Variants in TMF1 observed in about 807,000 individuals in gnomAD.
TMF1 encodes TATA element modulatory factor 1.
TMF1 carries 71 observed loss-of-function variants against 126.5 expected under a neutral mutation model. The ratio of observed to expected loss-of-function variants is 0.56; its 90% CI spans 0.46 to 0.68. The LOEUF (loss-of-function observed/expected upper bound fraction) is 0.68. Ranked by LOEUF, TMF1 falls within the 30% of genes least tolerant of loss-of-function variation. TMF1 has a pLI of 0.00. For synonymous variants in TMF1, 461 were observed against 430.5 expected, an observed-to-expected ratio of 1.07 and a Z score of -0.88; for missense variants, 1,259 against 1,253.2, an observed-to-expected ratio of 1.00 and a Z score of -0.07.
intron 5 of TMF1, 54 bp downstream of exon 5, chr3:69,042,753 G>A (rs1284361484): frequency 2.1e-6 from 3 of 1,420,444 alleles, no homozygotes; most frequent in Middle Eastern, 3.5e-4. Flanking sequence ...TATGTGGCAA[G>A]TACTTTTCCT....
At position 69,033,518 on chromosome 3, in the gene TMF1, T is replaced by G. The variant is rs112349668; in HGVS notation, c.2401+30A>C. On this transcript the variant is annotated intron_variant, in intron 10 of 16. Coordinates refer to ENST00000398559, the MANE Select transcript of TMF1 (RefSeq NM_007114.3). Reference sequence around the variant, plus strand: ...TCTATAAACAAGATGGAAGAGCTTCTGCATCGAGCATAAAAACTAAAGCAG... The same window carrying G: ...TCTATAAACAAGATGGAAGAGCTTCGGCATCGAGCATAAAAACTAAAGCAG... The G allele has an allele frequency of 1.1e-3, 1,708 of 1,594,958 alleles. 9 individuals carry two copies. Among genetic ancestry groups the G allele is most frequent in the South Asian group, 5.3e-3 (465 of 87,610 alleles).
chr3:69,023,195 TAA>T lies in TMF1; in HGVS notation c.3262_3263del (p.Leu1088LysfsTer11). On this transcript the variant is annotated frameshift_variant, in exon 17 of 17. Coordinates refer to ENST00000398559, the MANE Select transcript of TMF1 (RefSeq NM_007114.3). LOFTEE classifies it high-confidence loss of function. ...TCACAAGTTAACTGAGACTTTGTCT[TAA>T]AAGTTCATCTATTTGAGTTTTGTAC... Reference protein sequence around the residue: ...NMYKTQIDELLRQSLS With the variant: ...NMYKTQIDELXRQSLS 6.2e-7 allele frequency: 1 copy of T among 1,610,884 alleles called. No homozygotes were observed. Among genetic ancestry groups the T allele is most frequent in the Non-Finnish European group, 8.5e-7 (1 of 1,178,102 alleles).
rs1338195287 is a variant in TMF1 at position 69,043,867 on chromosome 3, G to A, written c.1461C>T (p.Phe487=). Residue 487 remains phenylalanine, a synonymous_variant, in exon 4 of 17, where the codon TTC becomes TTT. Transcript: ENST00000398559. ...TGCTACTGCTTTCTTCTTTCACTCTGAACATTTCACTAAATTTAAAATAAT... is the reference window on the plus strand; with the variant it reads ...TGCTACTGCTTTCTTCTTTCACTCTAAACATTTCACTAAATTTAAAATAAT... ...EAFDNLKDEM[F]RVKEESSSIS... 3 of 1,600,378 alleles carry A rather than the reference G, an allele frequency of 1.9e-6. No homozygotes were observed. Among genetic ancestry groups the A allele is most frequent in the Admixed American group, 3.5e-5 (2 of 57,476 alleles).
chr3:69,040,077 T>C (rs1307636959), intron 5 of TMF1, among the ~76,000 whole-genome samples: 1 of 152,218 alleles, frequency 6.6e-6, no homozygotes, highest in Admixed American at 6.5e-5. Context: ...CTACTAGAAA[T>C]ATGAACTAAA....
Position 69,047,514 on chromosome 3 carries a change from T to C in TMF1, c.1191A>G (p.Gly397=). 1 of 1,614,216 alleles carries C rather than the reference T, an allele frequency of 6.2e-7. No homozygotes were observed. The highest frequency in any genetic ancestry group is 8.5e-7 in the Non-Finnish European group (1 of 1,180,042). ...PTEEAEMEES[G]RSATPVNCEQ... ...CACAGTTAACAGGAGTTGCACTTCG[T>C]CCACTTTCTTCCATTTCTGCTTCCT... Residue 397 remains glycine (G), a synonymous_variant, in exon 2 of 17, where the codon GGA becomes GGG. Coordinates refer to ENST00000398559, the MANE Select transcript of TMF1 (RefSeq NM_007114.3).
chr3:69,033,243 C>T (rs1414132893), intron 10 of TMF1, among the ~76,000 whole-genome samples: 1 of 143,556 alleles, frequency 7.0e-6, no homozygotes, highest in Non-Finnish European at 1.5e-5. Flanking sequence ...CACTGCACTC[C>T]AGCCTCAGTG....
At chr3:69,038,817 G>C in intron 7 of TMF1, 26 bp downstream of exon 7, 1 of 1,582,148 alleles carries the variant, frequency 6.3e-7, no homozygotes, top group Admixed American at 1.9e-5. Flanking sequence ...ATTCTAAATG[G>C]GTTGCATATT....
Position 69,044,607 on chromosome 3 carries a change from G to A in TMF1, c.1348-12C>T, listed in dbSNP as rs749062344. ...AGAAATTCAACTGTCTGGATAAGGCGAATACATAAAAGTCAGAACGCTTAG... is the reference window on the plus strand; with the variant it reads ...AGAAATTCAACTGTCTGGATAAGGCAAATACATAAAAGTCAGAACGCTTAG... On this transcript the variant is annotated splice_polypyrimidine_tract_variant and intron_variant, in intron 2 of 16. Coordinates refer to ENST00000398559, the MANE Select transcript of TMF1 (RefSeq NM_007114.3). The A allele has an allele frequency of 3.0e-5, 47 of 1,566,496 alleles. No individual in the cohort carries two copies. The South Asian group carries it at 3.1e-4, about 10-fold the overall frequency.
At chr3:69,038,421 T>C in intron 8 of TMF1, 143 bp downstream of exon 8, 1 of 928,014 alleles carries the variant, frequency 1.1e-6, no homozygotes. Context: ...AAAACACAAC[T>C]GGTTAAATTT....
In TMF1 at chr3:69,028,273, G is replaced by A. The variant is rs769742751; in HGVS notation, c.2617C>T (p.Leu873=). 2.5e-6 allele frequency: 4 copies of A among 1,612,552 alleles called. No homozygotes were observed. The highest frequency in any genetic ancestry group is 3.4e-6 in the Non-Finnish European group (4 of 1,179,268). ...NNRYQVELEN[L]KDEYVRTLEE... ...AGTGTTCTTACATATTCATCTTTTA[G>A]GTTTTCCAATTCAACCTGGTACCTA... is the stretch of plus-strand genomic sequence containing the variant. Residue 873 remains leucine (L), a synonymous_variant, in exon 12 of 17, where the codon CTA becomes TTA. Coordinates refer to ENST00000398559, the MANE Select transcript of TMF1 (RefSeq NM_007114.3).
Position 69,033,557 on chromosome 3 carries a change from C to G in TMF1, c.2392G>C (p.Asp798His), listed in dbSNP as rs1532918. 0.13 allele frequency: 202,388 copies of G among 1,612,064 alleles called. 14,118 individuals carry two copies. Among genetic ancestry groups the G allele is most frequent in the Non-Finnish European group, 0.14 (169,011 of 1,179,298 alleles). ...SWEKLEKNLS[D>H]RLGESQTLLA... ...AAACTAAAGCAGTTACCAAGCCTAT[C>G]AGAAAGATTCTTCTCTAATTTCTCC... The change falls in exon 10 of 17, where the codon GAT becomes CAT. Residue 798 changes from aspartate (D) to histidine (H), a missense_variant. Physicochemically the swap from Asp to His is moderately conservative, Grantham distance 81. Transcript: ENST00000398559.
At chr3:69,051,854 A>C (rs1346545479) in intron 1 of TMF1, 91 bp downstream of exon 1, 3 of 1,416,414 alleles carry the variant, frequency 2.1e-6, no homozygotes, top group Admixed American at 4.8e-5. Flanking sequence ...TCTCTCAGCA[A>C]GGAAGGACCC....
chr3:69,032,100 G>A (rs1455716146), intron 10 of TMF1, among the ~76,000 whole-genome samples: 1 of 151,648 alleles, frequency 6.6e-6, no homozygotes, highest in Non-Finnish European at 1.5e-5. Context: ...ATCTTTCATG[G>A]AACTCCAATT....
intron 8 of TMF1, 47 bp from the exon 9 acceptor site, chr3:69,035,162 T>G: frequency 6.9e-7 from 1 of 1,454,874 alleles, no homozygotes; most frequent in Non-Finnish European, 9.6e-7. Context: ...TACAGTATTA[T>G]CTATAACTTC....
chr3:69,041,775 T>A (rs965626503), intron 5 of TMF1, among the ~76,000 whole-genome samples: 3 of 152,132 alleles, frequency 2.0e-5, no homozygotes, highest in African/African-American at 4.8e-5. Context: ...TAGTTCCTTA[T>A]AATATTGGAT....
In TMF1 at chr3:69,020,669, GTT is replaced by G. The variant is rs1461555520; in HGVS notation, c.*2506_*2507del. The stretch of plus-strand genomic sequence containing the variant: ...ACCTACTGGAGTTTTTCAAGAAACT[GTT>G]TAAGTTCACTTTAACTTACAGAAGT... On this transcript the variant is annotated 3_prime_UTR_variant, in exon 17 of 17. Coordinates refer to ENST00000398559, the MANE Select transcript of TMF1 (RefSeq NM_007114.3). 1 of 152,080 alleles carries G rather than the reference GTT, an allele frequency of 6.6e-6. No individual in the cohort carries two copies. Among genetic ancestry groups the G allele is most frequent in the African/African-American group, 2.4e-5 (1 of 41,414 alleles). 9.4% of individuals were successfully genotyped at this position (152,080 alleles called of 1,614,324 possible). A position where few individuals can be genotyped will look rare whatever the true frequency, so the allele number is the denominator to read the frequency against.
rs1398407935 is a variant in TMF1, at chr3:69,048,276, T to G, written c.429A>C (p.Arg143Ser). 6.2e-7 allele frequency: 1 copy of G among 1,614,114 alleles called. No homozygotes were observed. The highest frequency in any genetic ancestry group is 8.5e-7 in the Non-Finnish European group (1 of 1,180,042). ...CTTGTGATTCAGTTGTTTCAGGAGT[T>G]CTTGACTGGCCAATGTGCAAGGATT... ...LHESLHIGQS[R>S]TPETTESQVK... is the part of the protein sequence containing the mutation. The change falls in exon 2 of 17, where the codon AGA becomes AGC. Residue 143 changes from arginine (R) to serine (S), a missense_variant. Coordinates refer to ENST00000398559, the MANE Select transcript of TMF1 (RefSeq NM_007114.3).
chr3:69,036,628 G>C (rs746660016), intron 8 of TMF1, among the ~76,000 whole-genome samples: 4 of 152,172 alleles, frequency 2.6e-5, no homozygotes, highest in Non-Finnish European at 5.9e-5. Context: ...ATGGGGAGCA[G>C]CTAAATTGGA....
intron 2 of TMF1, among the ~76,000 whole-genome samples, chr3:69,046,709 C>T (rs1429014219): frequency 6.6e-6 from 1 of 152,118 alleles, no homozygotes. Flanking sequence ...TAGGTAGAAG[C>T]AATCTGTCCC....
Sources: gnomAD v4.1 joint callset for allele counts (sites outside exome capture counted in the v4.1 genomes callset) on GRCh38, gnomAD v4.1.1 for gene constraint, MANE v1.5 for transcripts, NCBI Gene and HGNC (gene_info 2026-07-23, HGNC 2026-07-21) for gene names.